Variants in RECK observed in about 807,000 individuals in gnomAD.
RECK encodes the protein reversion inducing cysteine rich protein with kazal motifs, also known as reversion-inducing cysteine-rich protein with Kazal motifs.
RECK carries 69 observed loss-of-function variants against 115.1 expected under a neutral mutation model. The observed-to-expected ratio is 0.60, with a 90% confidence interval of 0.49 to 0.73. The LOEUF (loss-of-function observed/expected upper bound fraction) is 0.73. Among genes scored for constraint, RECK ranks in the 30% least tolerant of loss-of-function variants. The pLI is 0.00. For synonymous variants in RECK, 414 were observed against 419.7 expected (o/e 0.99, Z 0.17); for missense variants, 1,047 against 1,203.7 (o/e 0.87, Z 1.93).
chr9:36,073,239 CAG>C (rs368520157), intron 6 of RECK, among the ~76,000 whole-genome samples: 11,793 of 75,744 alleles, frequency 0.16, 513 homozygotes, highest in South Asian at 0.26. Flanking sequence ...CAGACACACA[CAG>C]ACACACACAC....
chr9:36,119,589 G>T (rs897187765), intron 18 of RECK, among the ~76,000 whole-genome samples: 2 of 152,122 alleles, frequency 1.3e-5, no homozygotes, highest in African/African-American at 4.8e-5. Flanking sequence ...GATCTAACAG[G>T]TTCATTCCTC....
At position 36,093,633 on chromosome 9, in the gene RECK, A is replaced by G. The variant is rs964672357; in HGVS notation, c.1085+2290A>G. ...AAGCACAGAGAATAAGTGATACAAC[A>G]TCTGTGGTAGTAACCCAGAAGGAAA... On this transcript the variant is annotated intron_variant, in intron 10 of 20. Coordinates refer to ENST00000377966, the MANE Select transcript of RECK (RefSeq NM_021111.3). Among the ~76,000 whole-genome samples, 7 of 152,166 alleles carry G rather than the reference A, an allele frequency of 4.6e-5. No homozygotes were observed. The East Asian group carries it at 7.7e-4, about 17-fold the overall frequency.
chr9:36,065,533 A>G (rs754116051), intron 5 of RECK, 44 bp from the exon 6 acceptor site: 1 of 1,490,450 alleles, frequency 6.7e-7, no homozygotes, highest in South Asian at 1.3e-5. Context: ...CCTGTGCTGA[A>G]TAGCATGTAT....
chr9:36,036,921 G>C lies in RECK; in HGVS notation c.-78G>C, dbSNP rs1486884820. 6.3e-6 allele frequency: 6 copies of C among 945,926 alleles called. No individual in the cohort carries two copies. Among genetic ancestry groups the C allele is most frequent in the Non-Finnish European group, 8.4e-6 (6 of 717,460 alleles). The allele number at this position is 945,926 out of a possible 1,614,324, so 58.6% of individuals were successfully genotyped here. On this transcript the variant is annotated 5_prime_UTR_variant, in exon 1 of 21. Transcript: ENST00000377966. ...GCTGGGGGCGGGGCCTCGCGCGAGC[G>C]GCGGCGGTAGCGGCGGCAGCGGCTG... is the stretch of plus-strand genomic sequence containing the variant.
In RECK at chr9:36,100,378, C is replaced by G. The variant is rs1823514033; in HGVS notation, c.1133C>G (p.Ala378Gly). 2 of 1,613,952 alleles carry G rather than the reference C, an allele frequency of 1.2e-6. No homozygotes were observed. ...RSCNAQSDQG[A>G]MNDMKLWEKG... is the part of the protein sequence containing the mutation. The stretch of plus-strand genomic sequence containing the variant: ...TGTAATGCACAGTCAGATCAAGGAG[C>G]CATGAATGACATGAAGTTGTGGGAG... Residue 378 changes from alanine to glycine, a missense_variant, in exon 11 of 21, where the codon GCC (alanine) becomes GGC (glycine). By Grantham distance (60) the Ala-to-Gly change is moderately conservative. Transcript: ENST00000377966.
At position 36,102,185 on chromosome 9, in the gene RECK, C is replaced by A; in HGVS notation, c.1390C>A (p.Pro464Thr). 1 of 1,613,510 alleles carries A rather than the reference C, an allele frequency of 6.2e-7. No homozygotes were observed. The highest frequency in any genetic ancestry group is 8.5e-7 in the Non-Finnish European group (1 of 1,179,496). Residue 464 changes from proline (P) to threonine (T), a missense_variant, in exon 12 of 21, where the codon CCT becomes ACT. Pro to Thr is a conservative substitution (Grantham distance 38). Transcript: ENST00000377966. ...TAESICELLSPTDDLKNCIPL... is the reference protein window; with the variant it reads ...TAESICELLSTTDDLKNCIPL... Reference sequence around the variant, plus strand: ...TGAAAGTATTTGTGAGCTTCTGTCACCTACAGATGATCTGAAGAATTGTAT... The same window carrying A: ...TGAAAGTATTTGTGAGCTTCTGTCAACTACAGATGATCTGAAGAATTGTAT...
At chr9:36,085,628 G>A (rs1395894275) in intron 8 of RECK, 1 of 151,832 alleles carries the variant, frequency 6.6e-6, no homozygotes, top group Middle Eastern at 3.1e-3. Context: ...GATGCTGGAG[G>A]ATCGCTTGAG....
At chr9:36,102,731 G>A (rs1277071000) in intron 12 of RECK, among the ~76,000 whole-genome samples, 5 of 152,032 alleles carry the variant, frequency 3.3e-5, no homozygotes, top group African/African-American at 7.2e-5. Flanking sequence ...TGAGGCAGGC[G>A]GATCACGAGG....
In RECK at chr9:36,094,052, A is replaced by C. The variant is rs1823252705; in HGVS notation, c.1085+2709A>C. 6.6e-6 allele frequency among the ~76,000 whole-genome samples: 1 copy of C among 152,110 alleles called. No homozygotes were observed. The highest frequency in any genetic ancestry group is 2.4e-5 in the African/African-American group (1 of 41,462). On this transcript the variant is annotated intron_variant, in intron 10 of 20. Transcript: ENST00000377966. This position sits in a 1 kb window ranked among gnomAD's most constrained non-coding sequence, Gnocchi z 4.1. ...GGTATTTCTAGATATTACAAAAAAA[A>C]ACAACCTCAGAATTTTCTGCCAGCA...
chr9:36,073,221 G>GACACAC lies in RECK; in HGVS notation c.406-7380_406-7375dup, dbSNP rs1320843934. Among the ~76,000 whole-genome samples, 221 of 134,212 alleles carry GACACAC rather than the reference G, an allele frequency of 1.6e-3. 3 individuals are homozygous for GACACAC. The highest frequency in any genetic ancestry group is 9.1e-3 in the East Asian group (39 of 4,308). 88.0% of individuals were successfully genotyped at this position (134,212 alleles called of 152,430 possible). Reference sequence around the variant, plus strand: ...TTCCACCCCTAAACAGCAACACACAGACACACACAGACACACACAGACACA... The same window carrying GACACAC: ...TTCCACCCCTAAACAGCAACACACAGACACACACACACACAGACACACACAGACACA... On this transcript the variant is annotated intron_variant, in intron 6 of 20. Coordinates refer to ENST00000377966, the MANE Select transcript of RECK (RefSeq NM_021111.3).
chr9:36,036,921 G>GGCGGCGGTAGCGGCGGCA lies in RECK; in HGVS notation c.-72_-55dup. 2 of 946,036 alleles carry GGCGGCGGTAGCGGCGGCA rather than the reference G, an allele frequency of 2.1e-6. No individual in the cohort carries two copies. Among genetic ancestry groups the GGCGGCGGTAGCGGCGGCA allele is most frequent in the African/African-American group, 1.8e-5 (1 of 56,838 alleles). The allele number at this position is 946,036 out of a possible 1,614,324, so 58.6% of individuals were successfully genotyped here. A position where few individuals can be genotyped will look rare whatever the true frequency, so the allele number is the denominator to read the frequency against. The stretch of plus-strand genomic sequence containing the variant: ...GCTGGGGGCGGGGCCTCGCGCGAGC[G>GGCGGCGGTAGCGGCGGCA]GCGGCGGTAGCGGCGGCAGCGGCTG... On this transcript the variant is annotated 5_prime_UTR_variant, in exon 1 of 21. Transcript: ENST00000377966.
chr9:36,073,046 CT>C (rs60660015), intron 6 of RECK, among the ~76,000 whole-genome samples: 78 of 146,048 alleles, frequency 5.3e-4, no homozygotes, highest in East Asian at 1.2e-3. Flanking sequence ...CATTGCTAAC[CT>C]TTTTTTTTTT....
intron 1 of RECK, among the ~76,000 whole-genome samples, chr9:36,043,833 A>G (rs975242106): frequency 6.6e-6 from 1 of 151,870 alleles, no homozygotes; most frequent in Admixed American, 6.6e-5. Context: ...GGCTGTAAGT[A>G]TTTTGCTTTA....
chr9:36,069,183 A>G (rs1038089346), intron 6 of RECK, among the ~76,000 whole-genome samples: 3 of 152,226 alleles, frequency 2.0e-5, no homozygotes, highest in African/African-American at 7.2e-5. Flanking sequence ...TACTTCAGAT[A>G]TAGAAATGAT....
chr9:36,089,087 T>C (rs1358938086), intron 9 of RECK, among the ~76,000 whole-genome samples: 6 of 151,880 alleles, frequency 4.0e-5, no homozygotes, highest in Admixed American at 3.3e-4. Flanking sequence ...AATAAATAAA[T>C]GAAAGACGTG....
chr9:36,053,071 A>G (rs1821371158), intron 2 of RECK, among the ~76,000 whole-genome samples: 1 of 152,240 alleles, frequency 6.6e-6, no homozygotes, highest in African/African-American at 2.4e-5. Context: ...AAATAATAGT[A>G]TGTAATAATA....
chr9:36,098,733 A>T (rs1425741571), intron 10 of RECK, among the ~76,000 whole-genome samples: 4 of 152,216 alleles, frequency 2.6e-5, no homozygotes, highest in South Asian at 2.1e-4. Context: ...AGAATATAAC[A>T]TTGTGGTGCA....
At chr9:36,058,710 A>T in intron 2 of RECK, 117 bp from the exon 3 acceptor site, 1 of 323,296 alleles carries the variant, frequency 3.1e-6, no homozygotes, top group Non-Finnish European at 5.5e-6. Flanking sequence ...TAAATAAAAT[A>T]AAAAGGAAGT....
chr9:36,083,247 T>C (rs1158050440), intron 7 of RECK, 118 bp from the exon 8 acceptor site: 11 of 1,055,734 alleles, frequency 1.0e-5, no homozygotes, highest in African/African-American at 1.6e-5. Context: ...GTTCATCGTC[T>C]GTGGCATGGT....
Sources: gnomAD v4.1 joint callset for allele counts (sites outside exome capture counted in the v4.1 genomes callset) on GRCh38, gnomAD v4.1.1 for gene constraint, Gnocchi (gnomAD v3.1) non-coding constraint, MANE v1.5 for transcripts, NCBI Gene and HGNC (gene_info 2026-07-23, HGNC 2026-07-21) for gene names.